GRK2: variants seen among roughly 807,000 people sequenced by gnomAD.
GRK2 encodes the protein adrenergic beta receptor kinase 1.
Under a neutral mutation model 97.8 loss-of-function variants are expected in GRK2, and 23 were observed. That is an observed-to-expected ratio of 0.24 (90% CI 0.17 to 0.33). The LOEUF is 0.33. Ranked by LOEUF, GRK2 falls within the 10% of genes least tolerant of loss-of-function variation. GRK2 has a pLI of 1.00. For missense variants in GRK2, 633 were observed against 956.9 expected, an observed-to-expected ratio of 0.66 and a Z score of 4.47; for synonymous variants, 425 against 381.7, an observed-to-expected ratio of 1.11 and a Z score of -1.32.
intron 1 of GRK2, among the ~76,000 whole-genome samples, chr11:67,267,690 A>C (rs1285134656): frequency 6.6e-6 from 1 of 152,256 alleles, no homozygotes. Flanking sequence ...ATGTAGGTGC[A>C]AAAGTACACA....
intron 20 of GRK2, 36 bp downstream of exon 20, chr11:67,285,224 G>C: frequency 1.2e-6 from 2 of 1,612,308 alleles, no homozygotes; most frequent in Non-Finnish European, 1.7e-6. Flanking sequence ...GGAGGGCCGA[G>C]GGGCCAGGCC....
Position 67,282,200 on chromosome 11 carries a change from C to G in GRK2, c.958-71C>G. 1.4e-6 allele frequency: 2 copies of G among 1,468,368 alleles called. No homozygotes were observed. 91.0% of individuals were successfully genotyped at this position (1,468,368 alleles called of 1,614,324 possible). ...TCGTCCTCTCCAGTGAAGCAGTGAC[C>G]CAGCTGGCATCTTGCCTGGCTGGGC... On this transcript the variant is annotated intron_variant, in intron 11 of 20. Transcript: ENST00000308595. The surrounding 1 kb of genome is among the most constrained non-coding windows in gnomAD (Gnocchi z 6.9).
chr11:67,283,429 G>A lies in GRK2; in HGVS notation c.1328+201G>A, dbSNP rs1027377486. 4.2e-5 allele frequency: 26 copies of A among 613,438 alleles called. 1 individual carries two copies. The South Asian group carries it at 4.6e-4, about 11-fold the overall frequency. 38.0% of individuals were successfully genotyped at this position (613,438 alleles called of 1,614,324 possible). ...GAGCTGCTGGAACCAGCTAGTAACT[G>A]GCTTCCAGAGGGGCCCTTGTCACAG... On this transcript the variant is annotated intron_variant, in intron 15 of 20. Transcript: ENST00000308595.
chr11:67,266,726 C>A lies in GRK2; in HGVS notation c.27C>A (p.Ala9=). The A allele has an allele frequency of 7.5e-7, 1 of 1,330,288 alleles. No homozygotes were observed. The highest frequency in any genetic ancestry group is 1.9e-5 in the South Asian group (1 of 52,268). The allele number at this position is 1,330,288 out of a possible 1,614,324, so 82.4% of individuals were successfully genotyped here. MADLEAVL[A]DVSYLMAMEK... is the part of the protein sequence containing the mutation. ...TGGCGGACCTGGAGGCGGTGCTGGC[C>A]GACGTGAGCTACCTGATGGCCATGG... is the stretch of plus-strand genomic sequence containing the variant. The change falls in exon 1 of 21, where the codon GCC becomes GCA. Residue 9 remains alanine (A), a synonymous_variant. Transcript: ENST00000308595.
Position 67,281,982 on chromosome 11 carries a change from C to T in GRK2, c.957+30C>T, listed in dbSNP as rs1037491779. 4 of 1,612,274 alleles carry T rather than the reference C, an allele frequency of 2.5e-6. No individual in the cohort carries two copies. The highest frequency in any genetic ancestry group is 2.7e-5 in the African/African-American group (2 of 74,900). On this transcript the variant is annotated intron_variant, in intron 11 of 20. Coordinates refer to ENST00000308595, the MANE Select transcript of GRK2 (RefSeq NM_001619.5). This position sits in a 1 kb window ranked among gnomAD's most constrained non-coding sequence, Gnocchi z 5.7. ...GCGCCCCTGCTGTCCCCAGGCTGGA[C>T]CTCCGTGGCTGTCCTCTCCTTCCTC...
At chr11:67,274,585 G>A (rs1319477366) in intron 1 of GRK2, among the ~76,000 whole-genome samples, 1 of 142,108 alleles carries the variant, frequency 7.0e-6, no homozygotes. Context: ...TGAGATGCAG[G>A]CCCCTGACCT....
In GRK2 at chr11:67,273,540, C is replaced by T. The variant is rs996095782; in HGVS notation, c.114-3732C>T. On this transcript the variant is annotated intron_variant, in intron 1 of 20. Coordinates refer to ENST00000308595, the MANE Select transcript of GRK2 (RefSeq NM_001619.5). Reference sequence around the variant, plus strand: ...GAGCTGCCCCCAGTGGCAAGTTCTTCCAACCTGCCAGTTCCCTTGGCGGCC... The same window carrying T: ...GAGCTGCCCCCAGTGGCAAGTTCTTTCAACCTGCCAGTTCCCTTGGCGGCC... 2.6e-5 allele frequency among the ~76,000 whole-genome samples: 4 copies of T among 152,222 alleles called. No individual in the cohort carries two copies. In the East Asian group the frequency reaches 7.7e-4, roughly 29 times the overall value.
intron 1 of GRK2, among the ~76,000 whole-genome samples, chr11:67,271,269 G>A (rs575270781): frequency 6.6e-6 from 1 of 152,366 alleles, no homozygotes; most frequent in Non-Finnish European, 1.5e-5. Context: ...CTGCAACTGA[G>A]ATACTAAAAA....
intron 6 of GRK2, chr11:67,280,425 G>A: frequency 2.0e-6 from 1 of 495,868 alleles, no homozygotes; most frequent in Admixed American, 3.5e-5. Flanking sequence ...AGACGTACTT[G>A]TCAAGGATAT....
At position 67,285,416 on chromosome 11, in the gene GRK2, C is replaced by T. The variant is rs373199503; in HGVS notation, c.2036C>T (p.Pro679Leu). 14 of 1,598,206 alleles carry T rather than the reference C, an allele frequency of 8.8e-6. No homozygotes were observed. The highest frequency in any genetic ancestry group is 1.9e-4 in the Middle Eastern group (1 of 5,202). The change falls in exon 21 of 21, where the codon CCG (proline) becomes CTG (leucine). Residue 679 changes from proline to leucine, a missense_variant. Physicochemically the swap from Pro to Leu is moderately conservative, Grantham distance 98. This residue lies in a region of GRK2 where 180 missense variants were observed against 311.3 expected (regional missense o/e 0.58). Transcript: ENST00000308595. ...RSPVVELSKVPLVQRGSANGL is the reference protein window; with the variant it reads ...RSPVVELSKVLLVQRGSANGL ...CCCGTGGTGGAGCTGAGCAAGGTGCCGCTGGTCCAGCGCGGCAGTGCCAAC... is the reference window on the plus strand; with the variant it reads ...CCCGTGGTGGAGCTGAGCAAGGTGCTGCTGGTCCAGCGCGGCAGTGCCAAC...
intron 1 of GRK2, among the ~76,000 whole-genome samples, chr11:67,268,419 C>T (rs1859841469): frequency 6.6e-6 from 1 of 152,118 alleles, no homozygotes; most frequent in African/African-American, 2.4e-5. Context: ...TGACTGTCAG[C>T]TGGGGGCTGT....
intron 1 of GRK2, among the ~76,000 whole-genome samples, chr11:67,272,259 A>G (rs1214876903): frequency 6.6e-6 from 1 of 152,152 alleles, no homozygotes; most frequent in African/African-American, 2.4e-5. Context: ...CAGCTCTTCC[A>G]CAGAGGTCAA....
chr11:67,279,977 C>CA, intron 6 of GRK2, 77 bp downstream of exon 6: 1 of 1,441,370 alleles, frequency 6.9e-7, no homozygotes, highest in Non-Finnish European at 9.7e-7. Context: ...GCGTGGAGGG[C>CA]AGAAGCCAGC....
At chr11:67,272,594 C>T (rs1254715985) in intron 1 of GRK2, among the ~76,000 whole-genome samples, 1 of 152,234 alleles carries the variant, frequency 6.6e-6, no homozygotes, top group African/African-American at 2.4e-5. Flanking sequence ...CTCAGTGCTG[C>T]AGCTGCTCAC....
chr11:67,279,281 C>T lies in GRK2; in HGVS notation c.264+8C>T. 6.2e-7 allele frequency: 1 copy of T among 1,613,420 alleles called. No individual in the cohort carries two copies. The highest frequency in any genetic ancestry group is 8.5e-7 in the Non-Finnish European group (1 of 1,179,922). ...GTGGAATTCTATGAGGAGGTGAGAC[C>T]CAGAGGCCCAAGCCCTGCTCTGCCT... On this transcript the variant is annotated splice_region_variant and intron_variant, in intron 3 of 20. Transcript: ENST00000308595.
At chr11:67,278,413 G>A (rs1373287923) in intron 2 of GRK2, among the ~76,000 whole-genome samples, 2 of 152,130 alleles carry the variant, frequency 1.3e-5, no homozygotes, top group Non-Finnish European at 2.9e-5. Context: ...CCTATCTGGG[G>A]TCCCCTGAGA....
At position 67,281,957 on chromosome 11, in the gene GRK2, G is replaced by GCCA. The variant is rs1860161884; in HGVS notation, c.957+6_957+7insCAC. ...GTGGTCTACCGGGACCTGAAGGTGAGCGCCCCTGCTGTCCCCAGGCTGGAC... is the reference window on the plus strand; with the variant it reads ...GTGGTCTACCGGGACCTGAAGGTGAGCCACGCCCCTGCTGTCCCCAGGCTGGAC... On this transcript the variant is annotated splice_donor_region_variant and intron_variant, in intron 11 of 20. Coordinates refer to ENST00000308595, the MANE Select transcript of GRK2 (RefSeq NM_001619.5). The surrounding 1 kb of genome is among the most constrained non-coding windows in gnomAD (Gnocchi z 5.7). The GCCA allele has an allele frequency of 6.2e-7, 1 of 1,613,116 alleles. No homozygotes were observed. The highest frequency in any genetic ancestry group is 8.5e-7 in the Non-Finnish European group (1 of 1,179,978).
In GRK2 at chr11:67,281,421, C is replaced by G. The variant is rs1426034456; in HGVS notation, c.648-38C>G. ...CCTGAGGCAGCCCTGGGCCCCTGCT[C>G]TGAGGGTGGGTGTTGACTGCCGACC... is the stretch of plus-strand genomic sequence containing the variant. On this transcript the variant is annotated intron_variant, in intron 8 of 20. Coordinates refer to ENST00000308595, the MANE Select transcript of GRK2 (RefSeq NM_001619.5). The surrounding 1 kb of genome is among the most constrained non-coding windows in gnomAD (Gnocchi z 5.7). 1 of 1,586,162 alleles carries G rather than the reference C, an allele frequency of 6.3e-7. No individual in the cohort carries two copies. Among genetic ancestry groups the G allele is most frequent in the South Asian group, 1.1e-5 (1 of 90,506 alleles).
Position 67,266,603 on chromosome 11 carries a change from A to AGGCCGAGCGAGCCGCGGCCGGGCCG in GRK2, c.-87_-63dup. ...GCCAGGCGGGAGGCGTCGGCGCCCG[A>AGGCCGAGCGAGCCGCGGCCGGGCCG]GGCCGAGCGAGCCGCGGCCGGGCCG... is the stretch of plus-strand genomic sequence containing the variant. On this transcript the variant is annotated 5_prime_UTR_variant, in exon 1 of 21. Coordinates refer to ENST00000308595, the MANE Select transcript of GRK2 (RefSeq NM_001619.5). The AGGCCGAGCGAGCCGCGGCCGGGCCG allele has an allele frequency of 2.8e-6, 1 of 358,172 alleles. No homozygotes were observed. Among genetic ancestry groups the AGGCCGAGCGAGCCGCGGCCGGGCCG allele is most frequent in the South Asian group, 1.1e-4 (1 of 8,934 alleles). The allele number at this position is 358,172 out of a possible 1,614,324, so 22.2% of individuals were successfully genotyped here.
Sources: allele counts gnomAD v4.1 joint callset (sites outside exome capture counted in the v4.1 genomes callset), GRCh38; gene constraint gnomAD v4.1.1; regional missense constraint gnomAD v4.1.1; non-coding constraint Gnocchi (gnomAD v3.1); transcripts MANE v1.5; gene names NCBI Gene and HGNC (gene_info 2026-07-23, HGNC 2026-07-21).